The following CLASP2 variants were observed in gnomAD, a reference collection of about 807,000 sequenced individuals.
The protein encoded by CLASP2 is CLIP-associating protein 2.
Under a neutral mutation model 194.4 loss-of-function variants are expected in CLASP2, and 47 were observed. That is an observed-to-expected ratio of 0.24 (90% confidence interval 0.19 to 0.31). The LOEUF (loss-of-function observed/expected upper bound fraction) is 0.31. Ranked by LOEUF, CLASP2 falls within the 10% of genes least tolerant of loss-of-function variation. The pLI is 1.00. For missense variants in CLASP2, 1,445 were observed against 1,823.6 expected, an observed-to-expected ratio of 0.79 and a Z score of 3.78; for synonymous variants, 619 against 633.5, an observed-to-expected ratio of 0.98 and a Z score of 0.34.
chr3:33,592,604 T>C, intron 20 of CLASP2, 108 bp from the exon 21 acceptor site: 2 of 853,606 alleles, frequency 2.3e-6, no homozygotes, highest in South Asian at 1.5e-5. Context: ...TCTGTAATAA[T>C]GTAATCATCA....
chr3:33,628,555 G>A (rs986095998), intron 9 of CLASP2, among the ~76,000 whole-genome samples: 1 of 152,108 alleles, frequency 6.6e-6, no homozygotes, highest in African/African-American at 2.4e-5. Context: ...TCTAACTTTT[G>A]TAATTGATTA....
In CLASP2 at chr3:33,564,607, T is replaced by C. The variant is rs569959877; in HGVS notation, c.2766+2125A>G. Among the ~76,000 whole-genome samples, 13 of 152,294 alleles carry C rather than the reference T, an allele frequency of 8.5e-5. No individual in the cohort carries two copies. In the South Asian group the frequency reaches 1.5e-3, roughly 17 times the overall value. ...TATTTTAAAAATTTTGTTATCACTT[T>C]TGAGACAGAGTCTCACTCTGTCACC... On this transcript the variant is annotated intron_variant, in intron 27 of 38. Transcript: ENST00000682230.
chr3:33,605,385 A>G (rs1334941279), intron 16 of CLASP2, among the ~76,000 whole-genome samples: 1 of 152,228 alleles, frequency 6.6e-6, no homozygotes, highest in Non-Finnish European at 1.5e-5. Flanking sequence ...ATAAAAGTTT[A>G]GATAGGTCAT....
chr3:33,585,345 G>T (rs1301595085), intron 21 of CLASP2, among the ~76,000 whole-genome samples: 1 of 152,150 alleles, frequency 6.6e-6, no homozygotes, highest in Non-Finnish European at 1.5e-5. Flanking sequence ...GAAACGTGTT[G>T]TTGGGTGATT....
chr3:33,535,252 A>G lies in CLASP2; in HGVS notation c.3768T>C (p.Asp1256=). ...ACATACCGTCAGGAAACTGGTCAGC[A>G]TCATCATCAAACATGGCTTCCTTGA... ...SALKEAMFDD[D]ADQFPDDLSL... The change falls in exon 34 of 39, where the codon GAT becomes GAC. Residue 1256 remains aspartate, a synonymous_variant. Coordinates refer to ENST00000682230, the MANE Select transcript of CLASP2 (RefSeq NM_001365631.1). 1.2e-6 allele frequency: 2 copies of G among 1,613,596 alleles called. No individual in the cohort carries two copies. Among genetic ancestry groups the G allele is most frequent in the Non-Finnish European group, 1.7e-6 (2 of 1,179,472 alleles).
chr3:33,668,545 T>G (rs765735059), intron 6 of CLASP2, among the ~76,000 whole-genome samples: 9 of 152,228 alleles, frequency 5.9e-5, no homozygotes, highest in African/African-American at 1.2e-4. Flanking sequence ...GGAACAATAG[T>G]CTGAAGAAAG....
chr3:33,710,280 GT>G (rs2154357271), intron 1 of CLASP2, among the ~76,000 whole-genome samples: 1 of 152,252 alleles, frequency 6.6e-6, no homozygotes, highest in African/African-American at 2.4e-5. Context: ...CAAAACTGTT[GT>G]TAGTCTGTGA....
intron 26 of CLASP2, among the ~76,000 whole-genome samples, chr3:33,568,134 G>A (rs571818119): frequency 1.3e-4 from 20 of 152,216 alleles, no homozygotes; most frequent in South Asian, 4.2e-4. Flanking sequence ...TAGTGTCAAC[G>A]ACAAAGAGTT....
intron 6 of CLASP2, among the ~76,000 whole-genome samples, chr3:33,676,927 T>A (rs2088782552): frequency 6.6e-6 from 1 of 152,176 alleles, no homozygotes; most frequent in Non-Finnish European, 1.5e-5. Context: ...AGAAGCCATT[T>A]ATGCAGCCAA....
At chr3:33,634,022 T>A (rs1057216886) in intron 8 of CLASP2, among the ~76,000 whole-genome samples, 1 of 151,796 alleles carries the variant, frequency 6.6e-6, no homozygotes, top group Non-Finnish European at 1.5e-5. Context: ...CCGAGCAAGA[T>A]AAATAAAAAG....
intron 6 of CLASP2, among the ~76,000 whole-genome samples, chr3:33,668,644 C>T (rs2086616607): frequency 6.6e-6 from 1 of 152,272 alleles, no homozygotes; most frequent in Non-Finnish European, 1.5e-5. Context: ...CGAAATACTA[C>T]CTATAAAATA....
At chr3:33,551,978 A>G (rs1219581530) in intron 29 of CLASP2, among the ~76,000 whole-genome samples, 1 of 151,666 alleles carries the variant, frequency 6.6e-6, no homozygotes, top group Admixed American at 6.6e-5. Context: ...GACTCACACA[A>G]TGAGATGAGG....
At position 33,647,665 on chromosome 3, in the gene CLASP2, A is replaced by AC. The variant is rs1437547959; in HGVS notation, c.716-2763dup. ...GTTGTGCTTCAATAAAATTTTATAT[A>AC]CAAAAACAGGAGGGCAGATGGTTTT... is the stretch of plus-strand genomic sequence containing the variant. On this transcript the variant is annotated intron_variant, in intron 7 of 38. Coordinates refer to ENST00000682230, the MANE Select transcript of CLASP2 (RefSeq NM_001365631.1). 3.9e-5 allele frequency among the ~76,000 whole-genome samples: 6 copies of AC among 152,334 alleles called. No homozygotes were observed. In the South Asian group the frequency reaches 1.2e-3, roughly 32 times the overall value.
At chr3:33,570,294 C>T (rs2063500848) in intron 26 of CLASP2, among the ~76,000 whole-genome samples, 2 of 152,076 alleles carry the variant, frequency 1.3e-5, no homozygotes, top group Non-Finnish European at 2.9e-5. Context: ...ACATTTTGTG[C>T]CTTTGTGTTA....
chr3:33,570,689 C>A, intron 26 of CLASP2, 38 bp downstream of exon 26: 3 of 1,576,716 alleles, frequency 1.9e-6, no homozygotes, highest in African/African-American at 1.4e-5. Context: ...ACAAATGATA[C>A]CCTATAGAAA....
chr3:33,623,395 C>T (rs566960652), intron 10 of CLASP2, among the ~76,000 whole-genome samples: 10 of 152,198 alleles, frequency 6.6e-5, no homozygotes, highest in African/African-American at 2.4e-4. Flanking sequence ...TACCCTTCAA[C>T]CATCTCCTCT....
chr3:33,705,124 T>C (rs561531772), intron 1 of CLASP2, among the ~76,000 whole-genome samples: 90 of 152,304 alleles, frequency 5.9e-4, no homozygotes, highest in African/African-American at 1.9e-3. Context: ...TTATTCACAA[T>C]AGTCAAAGGT....
At chr3:33,612,886 G>C (rs753901046) in intron 12 of CLASP2, among the ~76,000 whole-genome samples, 10 of 152,132 alleles carry the variant, frequency 6.6e-5, no homozygotes, top group East Asian at 1.9e-4. Context: ...TCAGAGGCTA[G>C]GAAGGATAGG....
At chr3:33,711,673 A>C (rs1405925517) in intron 1 of CLASP2, among the ~76,000 whole-genome samples, 1 of 131,712 alleles carries the variant, frequency 7.6e-6, no homozygotes, top group African/African-American at 2.9e-5. Context: ...CAAATCAGCA[A>C]GGAAAAAAAA....
Sources: gnomAD v4.1 joint callset for allele counts (sites outside exome capture counted in the v4.1 genomes callset) on GRCh38, gnomAD v4.1.1 for gene constraint, MANE v1.5 for transcripts, NCBI Gene and HGNC (gene_info 2026-07-23, HGNC 2026-07-21) for gene names.